Variants in LIN7B observed in about 807,000 individuals in gnomAD.
LIN7B encodes lin-7 cell polarity scaffold B, also known as protein lin-7 homolog B.
Under a neutral mutation model 27.9 loss-of-function variants are expected in LIN7B, and 16 were observed. The observed-to-expected ratio is 0.57, with a 90% CI of 0.39 to 0.87. The LOEUF (loss-of-function observed/expected upper bound fraction) is 0.87, where lower values mean the gene tolerates loss of function less well. LIN7B is among the 40% of genes least tolerant of loss of function. The pLI is 0.00. For missense variants in LIN7B, 291 were observed against 288.5 expected (o/e 1.01, Z -0.06); for synonymous variants, 147 against 120.8 (o/e 1.22, Z -1.42).
At position 49,117,597 on chromosome 19, in the gene LIN7B, T is replaced by G. The variant is rs558920611; in HGVS notation, c.439-258T>G. Among the ~76,000 whole-genome samples, 9 of 151,250 alleles carry G rather than the reference T, an allele frequency of 6.0e-5. No individual in the cohort carries two copies. The East Asian group carries it at 1.6e-3, about 27-fold the overall frequency. ...AAGGCGGGCGGACATTAGTGGGCTG[T>G]GGGCAGGGAGGCCACAAAGATGGGT... On this transcript the variant is annotated intron_variant, in intron 4 of 5. Transcript: ENST00000221459.
chr19:49,115,119 G>C, intron 2 of LIN7B, 141 bp from the exon 3 acceptor site: 2 of 922,236 alleles, frequency 2.2e-6, no homozygotes, highest in Non-Finnish European at 3.1e-6. Context: ...GGTTCTTCGG[G>C]AGTTGTAGTT....
At chr19:49,115,475 C>A in intron 3 of LIN7B, 144 bp downstream of exon 3, 1 of 708,674 alleles carries the variant, frequency 1.4e-6, no homozygotes, top group Non-Finnish European at 2.4e-6. Flanking sequence ...AATAATCGCA[C>A]ATTTTTAACT....
intron 3 of LIN7B, 197 bp from the exon 4 acceptor site, chr19:49,116,066 T>C (rs1025769651): frequency 1.8e-6 from 1 of 559,352 alleles, no homozygotes; most frequent in East Asian, 3.0e-5. Context: ...ACACACCAAA[T>C]GGACACTTTC....
intron 5 of LIN7B, 45 bp from the exon 6 acceptor site, chr19:49,118,307 C>G: frequency 1.9e-6 from 3 of 1,611,438 alleles, no homozygotes; most frequent in Non-Finnish European, 2.5e-6. Flanking sequence ...TCTTGTCTAC[C>G]CGGAGCCTCC....
intron 5 of LIN7B, 97 bp from the exon 6 acceptor site, chr19:49,118,255 C>T: frequency 7.0e-7 from 1 of 1,435,094 alleles, no homozygotes; most frequent in Non-Finnish European, 9.8e-7. Flanking sequence ...TCCCTCAGCC[C>T]ACTTACCTGG....
intron 1 of LIN7B, 125 bp downstream of exon 1, chr19:49,114,566 C>G (rs879917131): frequency 3.2e-5 from 24 of 754,482 alleles, no homozygotes; most frequent in Non-Finnish European, 4.3e-5. Context: ...GTGGGCGGGG[C>G]GGGCGCCGGG....
intron 4 of LIN7B, 57 bp downstream of exon 4, chr19:49,116,529 C>T (rs1162583001): frequency 1.3e-5 from 19 of 1,486,838 alleles, no homozygotes; most frequent in Non-Finnish European, 1.8e-5. Flanking sequence ...GTAGCATAGC[C>T]CCTGCTTTTG....
chr19:49,116,009 C>CAAAAAAAAAAA (rs562837227), intron 3 of LIN7B: 11 of 285,556 alleles, frequency 3.9e-5, no homozygotes, highest in African/African-American at 3.2e-4. Flanking sequence ...GACTTCATCT[C>CAAAAAAAAAAA]AAAAAAAAAA....
intron 4 of LIN7B, among the ~76,000 whole-genome samples, chr19:49,117,168 C>T (rs1257959591): frequency 6.7e-6 from 1 of 149,870 alleles, no homozygotes; most frequent in Non-Finnish European, 1.5e-5. Context: ...ATCGCTTGAA[C>T]CTGGGAGGCA....
intron 1 of LIN7B, 54 bp downstream of exon 1, chr19:49,114,495 C>T (rs910802056): frequency 1.7e-6 from 2 of 1,158,744 alleles, no homozygotes; most frequent in Non-Finnish European, 2.2e-6. Context: ...ACATACCCAG[C>T]CCCCGGTCCC....
Position 49,118,103 on chromosome 19 carries a change from A to T in LIN7B, c.602+85A>T, listed in dbSNP as rs537795997. ...CCCAAACCAGGCCAGTGCTTCCTGG[A>T]TCTTCCAGCCCTGGCCCCTCCTCTG... On this transcript the variant is annotated intron_variant, in intron 5 of 5. Coordinates refer to ENST00000221459, the MANE Select transcript of LIN7B (RefSeq NM_022165.3). 1.1e-5 allele frequency: 17 copies of T among 1,564,300 alleles called. No individual in the cohort carries two copies. The East Asian group carries it at 3.8e-4, about 35-fold the overall frequency.
In LIN7B at chr19:49,114,981, G is replaced by T; in HGVS notation, c.156+14G>T. 1 of 1,378,542 alleles carries T rather than the reference G, an allele frequency of 7.3e-7. No homozygotes were observed. The highest frequency in any genetic ancestry group is 9.5e-7 in the Non-Finnish European group (1 of 1,054,704). The allele number at this position is 1,378,542 out of a possible 1,614,324, so 85.4% of individuals were successfully genotyped here. A position where few individuals can be genotyped will look rare whatever the true frequency, so the allele number is the denominator to read the frequency against. On this transcript the variant is annotated intron_variant, in intron 2 of 5. Transcript: ENST00000221459. ...GCTATCCGAGAGGTGAGGGGCGCGC[G>T]GCGCAGGGGCGCGAGCTGGTGGCCG... is the stretch of plus-strand genomic sequence containing the variant.
Position 49,114,874 on chromosome 19 carries a change from C to A in LIN7B, c.63C>A (p.Leu21=). 6.8e-7 allele frequency: 1 copy of A among 1,472,458 alleles called. No individual in the cohort carries two copies. Among genetic ancestry groups the A allele is most frequent in the Admixed American group, 2.4e-5 (1 of 42,178 alleles). 91.2% of individuals were successfully genotyped at this position (1,472,458 alleles called of 1,614,324 possible). Residue 21 remains leucine, a synonymous_variant, in exon 2 of 6, where the codon CTC becomes CTA. Coordinates refer to ENST00000221459, the MANE Select transcript of LIN7B (RefSeq NM_022165.3). ...ACGTGTCCCGGGCGGTTGAGCTCCT[C>A]GAGCGGCTCCAGCGCAGCGGGGAGC... ...ERDVSRAVEL[L]ERLQRSGELP...
At chr19:49,116,573 A>G (rs1343427229) in intron 4 of LIN7B, 101 bp downstream of exon 4, 15 of 1,121,290 alleles carry the variant, frequency 1.3e-5, no homozygotes, top group African/African-American at 3.1e-5. Flanking sequence ...TGTTGTCTGT[A>G]TGGCTAGCCC....
rs772821785 is a variant in LIN7B, at chr19:49,117,929, C to T, written c.513C>T (p.Val171=). 3.7e-6 allele frequency: 6 copies of T among 1,613,978 alleles called. No homozygotes were observed. Among genetic ancestry groups the T allele is most frequent in the African/African-American group, 1.3e-5 (1 of 74,898 alleles). ...CCCAGGGCTCGGTGAAGCTGGTTGT[C>T]CGTTACACACCGCGAGTGCTGGAGG... The part of the protein sequence containing the change: ...KAAQGSVKLV[V]RYTPRVLEEM... The change falls in exon 5 of 6, where the codon GTC becomes GTT. Residue 171 remains valine, a synonymous_variant. Transcript: ENST00000221459.
intron 1 of LIN7B, 42 bp from the exon 2 acceptor site, chr19:49,114,807 C>T: frequency 2.5e-6 from 3 of 1,217,784 alleles, no homozygotes; most frequent in Non-Finnish European, 3.3e-6. Context: ...GTCTCGGGGT[C>T]TCTGACACTC....
At chr19:49,117,820 GC>G in intron 4 of LIN7B, 34 bp from the exon 5 acceptor site, 1 of 1,589,892 alleles carries the variant, frequency 6.3e-7, no homozygotes, top group Non-Finnish European at 8.6e-7. Context: ...AGGGCAGCGG[GC>G]CCCAGGCTCA....
chr19:49,114,880 G>T lies in LIN7B; in HGVS notation c.69G>T (p.Arg23=). The T allele has an allele frequency of 6.8e-7, 1 of 1,476,418 alleles. No homozygotes were observed. The highest frequency in any genetic ancestry group is 8.9e-7 in the Non-Finnish European group (1 of 1,117,610). 91.5% of individuals were successfully genotyped at this position (1,476,418 alleles called of 1,614,324 possible). Residue 23 remains arginine (R), a synonymous_variant, in exon 2 of 6, where the codon CGG becomes CGT. Transcript: ENST00000221459. The part of the protein sequence containing the change: ...DVSRAVELLE[R]LQRSGELPPQ... Reference sequence around the variant, plus strand: ...CCCGGGCGGTTGAGCTCCTCGAGCGGCTCCAGCGCAGCGGGGAGCTGCCGC... The same window carrying T: ...CCCGGGCGGTTGAGCTCCTCGAGCGTCTCCAGCGCAGCGGGGAGCTGCCGC...
Position 49,114,857 on chromosome 19 carries a change from C to T in LIN7B, c.46C>T (p.Arg16Trp). The change falls in exon 2 of 6, where the codon CGG (arginine) becomes TGG (tryptophan). Residue 16 changes from arginine to tryptophan, a missense_variant. By Grantham distance (101) the Arg-to-Trp change is moderately radical. Coordinates refer to ENST00000221459, the MANE Select transcript of LIN7B (RefSeq NM_022165.3). ...EPLGLERDVS[R>W]AVELLERLQR... Reference sequence around the variant, plus strand: ...CCGCCCCCGCCCCGCAGACGTGTCCCGGGCGGTTGAGCTCCTCGAGCGGCT... The same window carrying T: ...CCGCCCCCGCCCCGCAGACGTGTCCTGGGCGGTTGAGCTCCTCGAGCGGCT... 6.9e-7 allele frequency: 1 copy of T among 1,458,932 alleles called. No individual in the cohort carries two copies. Among genetic ancestry groups the T allele is most frequent in the Non-Finnish European group, 9.0e-7 (1 of 1,109,772 alleles). The allele number at this position is 1,458,932 out of a possible 1,614,324, so 90.4% of individuals were successfully genotyped here.
Sources: gnomAD v4.1 joint callset for allele counts (sites outside exome capture counted in the v4.1 genomes callset) on GRCh38, gnomAD v4.1.1 for gene constraint, MANE v1.5 for transcripts, NCBI Gene and HGNC (gene_info 2026-07-23, HGNC 2026-07-21) for gene names.